NOM1: variants seen among roughly 807,000 people sequenced by gnomAD.
NOM1 encodes nucleolar protein with MIF4G domain 1.
Under a neutral mutation model 73.3 loss-of-function variants are expected in NOM1, and 58 were observed. The observed-to-expected ratio is 0.79, with a 90% confidence interval of 0.64 to 0.99. The LOEUF (loss-of-function observed/expected upper bound fraction) is 0.99. NOM1 is among the 50% of genes least tolerant of loss of function. NOM1 has a pLI of 0.00. For missense variants in NOM1, 1,226 were observed against 1,131.9 expected, an observed-to-expected ratio of 1.08 and a Z score of -1.19; for synonymous variants, 487 against 446.8, an observed-to-expected ratio of 1.09 and a Z score of -1.14.
chr7:156,954,051 A>C (rs924221284), intron 2 of NOM1, 52 bp from the exon 3 acceptor site: 5 of 1,517,596 alleles, frequency 3.3e-6, no homozygotes, highest in African/African-American at 1.4e-5. Flanking sequence ...AATTGAACTG[A>C]AAATTCCTAA....
At chr7:156,958,262 C>T (rs946794257) in intron 3 of NOM1, among the ~76,000 whole-genome samples, 2 of 152,190 alleles carry the variant, frequency 1.3e-5, no homozygotes, top group African/African-American at 4.8e-5. Flanking sequence ...TTGTCCAGCC[C>T]CACTAGCTTG....
rs550119543 is a variant in NOM1, at chr7:156,970,604, A to G, written c.*901A>G. ...TATTTTAGTAGAGATGGGTTTCACC[A>G]TGTTGGCAAGGCTGGTCTTGAACTC... On this transcript the variant is annotated 3_prime_UTR_variant, in exon 11 of 11. Coordinates refer to ENST00000275820, the MANE Select transcript of NOM1 (RefSeq NM_138400.2). 1 of 152,232 alleles carries G rather than the reference A, an allele frequency of 6.6e-6. No individual in the cohort carries two copies. Among genetic ancestry groups the G allele is most frequent in the East Asian group, 1.9e-4 (1 of 5,170 alleles). 9.4% of individuals were successfully genotyped at this position (152,232 alleles called of 1,614,324 possible). A position where few individuals can be genotyped will look rare whatever the true frequency, so the allele number is the denominator to read the frequency against.
In NOM1 at chr7:156,956,628, T is replaced by C. The variant is rs113777258; in HGVS notation, c.1308+2330T>C. ...AAAGGCCTGTGGGGCATTAGGAAGC[T>C]GAGGGCTGGAGAGAGGGGCACAGGC... On this transcript the variant is annotated intron_variant, in intron 3 of 10. Coordinates refer to ENST00000275820, the MANE Select transcript of NOM1 (RefSeq NM_138400.2). Among the ~76,000 whole-genome samples, 218 of 152,356 alleles carry C rather than the reference T, an allele frequency of 1.4e-3. 3 individuals carry two copies. Among genetic ancestry groups the C allele is most frequent in the African/African-American group, 5.0e-3 (207 of 41,578 alleles).
At chr7:156,953,432 C>G (rs1470481999) in intron 2 of NOM1, among the ~76,000 whole-genome samples, 1 of 152,168 alleles carries the variant, frequency 6.6e-6, no homozygotes, top group Non-Finnish European at 1.5e-5. Context: ...CGGGGCAGTT[C>G]TGTAGTTTTA....
At position 156,950,441 on chromosome 7, in the gene NOM1, G is replaced by A; in HGVS notation, c.704G>A (p.Ser235Asn). ...AAAAATAGCGGCTTGTACGACAGCA[G>A]TGGTGAGGAGGAGGAAGATGCCGGA... ...SGKNSGLYDS[S>N]GEEEEDAGQT... Residue 235 changes from serine (S) to asparagine (N), a missense_variant, in exon 1 of 11, where the codon AGT becomes AAT. Transcript: ENST00000275820. 6.2e-7 allele frequency: 1 copy of A among 1,614,194 alleles called. No individual in the cohort carries two copies. The highest frequency in any genetic ancestry group is 8.5e-7 in the Non-Finnish European group (1 of 1,180,030).
chr7:156,969,641 C>G lies in NOM1; in HGVS notation c.2521C>G (p.Leu841Val), dbSNP rs141627814. 1.9e-6 allele frequency: 3 copies of G among 1,613,584 alleles called. No homozygotes were observed. In the African/African-American group the frequency reaches 4.0e-5, roughly 22 times the overall value. ...AHRSADEANV[L>V]REKADLATKC... Reference sequence around the variant, plus strand: ...CAGAAGCGCCGACGAAGCCAACGTGCTGAGAGAGAAAGCTGACCTTGCAAC... The same window carrying G: ...CAGAAGCGCCGACGAAGCCAACGTGGTGAGAGAGAAAGCTGACCTTGCAAC... The change falls in exon 11 of 11, where the codon CTG (leucine) becomes GTG (valine). Residue 841 changes from leucine (L) to valine (V), a missense_variant. Physicochemically the swap from Leu to Val is conservative, Grantham distance 32. Coordinates refer to ENST00000275820, the MANE Select transcript of NOM1 (RefSeq NM_138400.2).
chr7:156,954,021 A>G (rs1804657242), intron 2 of NOM1, 82 bp from the exon 3 acceptor site: 1 of 1,186,034 alleles, frequency 8.4e-7, no homozygotes, highest in Non-Finnish European at 1.2e-6. Flanking sequence ...GTTGGTATGG[A>G]TAACTCTTTA....
intron 3 of NOM1, chr7:156,958,477 T>C (rs972978999): frequency 6.6e-6 from 1 of 152,278 alleles, no homozygotes; most frequent in Non-Finnish European, 1.5e-5. Context: ...ATGTCCCTGC[T>C]TCCGCCTTCT....
intron 4 of NOM1, 94 bp from the exon 5 acceptor site, chr7:156,962,057 T>C: frequency 3.1e-6 from 3 of 963,752 alleles, no homozygotes; most frequent in East Asian, 2.4e-5. Flanking sequence ...GTGGCGGCCA[T>C]GTGCATCAGG....
chr7:156,964,813 G>A (rs1472817434), intron 7 of NOM1, among the ~76,000 whole-genome samples: 3 of 152,026 alleles, frequency 2.0e-5, no homozygotes, highest in Admixed American at 6.6e-5. Context: ...CCGTTTTGCC[G>A]AAAACCTCCC....
At chr7:156,966,928 T>TCCCC (rs1195726712) in intron 8 of NOM1, 33 bp from the exon 9 acceptor site, 1 of 1,585,978 alleles carries the variant, frequency 6.3e-7, no homozygotes, top group Non-Finnish European at 8.6e-7. Context: ...TTGTGGCCGT[T>TCCCC]TGCCTTTTTT....
At chr7:156,952,147 A>G (rs570462433) in intron 1 of NOM1, among the ~76,000 whole-genome samples, 1 of 152,248 alleles carries the variant, frequency 6.6e-6, no homozygotes, top group Non-Finnish European at 1.5e-5. Flanking sequence ...GTTAAGGCCG[A>G]GCAAAAGCGC....
In NOM1 at chr7:156,970,681, G is replaced by A. The variant is rs1191208446; in HGVS notation, c.*978G>A. 6.6e-6 allele frequency: 1 copy of A among 152,238 alleles called. No individual in the cohort carries two copies. Among genetic ancestry groups the A allele is most frequent in the African/African-American group, 2.4e-5 (1 of 41,458 alleles). 9.4% of individuals were successfully genotyped at this position (152,238 alleles called of 1,614,324 possible). On this transcript the variant is annotated 3_prime_UTR_variant, in exon 11 of 11. Transcript: ENST00000275820. ...GGCCTCCCAAAGTGCTGGGATTACA[G>A]GCTTGAGCCACCACGCCCAGCTTAA... is the stretch of plus-strand genomic sequence containing the variant.
rs1015202500 is a variant in NOM1 at position 156,972,245 on chromosome 7, A to G, written c.*2542A>G. On this transcript the variant is annotated 3_prime_UTR_variant, in exon 11 of 11. Transcript: ENST00000275820. ...GAATGGCCCACATTTGAGTGGTGCTAACTTGATGTGAGTAGGCATTAATTA... is the reference window on the plus strand; with the variant it reads ...GAATGGCCCACATTTGAGTGGTGCTGACTTGATGTGAGTAGGCATTAATTA... The G allele has an allele frequency of 6.6e-6, 1 of 152,248 alleles. No homozygotes were observed. The highest frequency in any genetic ancestry group is 2.4e-5 in the African/African-American group (1 of 41,458). The allele number at this position is 152,248 out of a possible 1,614,324, so 9.4% of individuals were successfully genotyped here. A position where few individuals can be genotyped will look rare whatever the true frequency, so the allele number is the denominator to read the frequency against.
In NOM1 at chr7:156,958,010, C is replaced by T. The variant is rs1184011119; in HGVS notation, c.1309-1841C>T. On this transcript the variant is annotated intron_variant, in intron 3 of 10. Coordinates refer to ENST00000275820, the MANE Select transcript of NOM1 (RefSeq NM_138400.2). ...GTCTTTACAAACTGAAGTGTATATC[C>T]AGTCCATCAGAGCTGGCCTCCAGGA... is the stretch of plus-strand genomic sequence containing the variant. Among the ~76,000 whole-genome samples, 23 of 152,296 alleles carry T rather than the reference C, an allele frequency of 1.5e-4. No individual in the cohort carries two copies. The East Asian group carries it at 3.5e-3, about 23-fold the overall frequency.
intron 9 of NOM1, among the ~76,000 whole-genome samples, chr7:156,967,927 C>T (rs1396749591): frequency 1.3e-5 from 2 of 151,500 alleles, no homozygotes; most frequent in Admixed American, 6.6e-5. Context: ...AAAACTGGAG[C>T]GCCTGGGGGG....
intron 4 of NOM1, among the ~76,000 whole-genome samples, chr7:156,960,410 A>G (rs899288535): frequency 6.6e-6 from 1 of 152,212 alleles, no homozygotes; most frequent in African/African-American, 2.4e-5. Flanking sequence ...AAAAATGCTT[A>G]CCGAGGAGGC....
At position 156,969,684 on chromosome 7, in the gene NOM1, A is replaced by G. The variant is rs1805095927; in HGVS notation, c.2564A>G (p.Lys855Arg). The G allele has an allele frequency of 4.3e-6, 7 of 1,611,010 alleles. No individual in the cohort carries two copies. Among genetic ancestry groups the G allele is most frequent in the Non-Finnish European group, 5.9e-6 (7 of 1,178,322 alleles). ...CTTGCAACGAAGTGTCTGCAAGGAA[A>G]AGCTTCCCTGAGAATGTAGTCAGGG... ...ADLATKCLQGKASLRM is the reference protein window; with the variant it reads ...ADLATKCLQGRASLRM Residue 855 changes from lysine (K) to arginine (R), a missense_variant, in exon 11 of 11, where the codon AAA (lysine) becomes AGA (arginine). Coordinates refer to ENST00000275820, the MANE Select transcript of NOM1 (RefSeq NM_138400.2).
chr7:156,967,244 G>A (rs887005196), intron 9 of NOM1, 152 bp downstream of exon 9: 27 of 888,942 alleles, frequency 3.0e-5, no homozygotes, highest in Non-Finnish European at 4.1e-5. Context: ...GACAGAAAAC[G>A]GCCAGACTAA....
Sources: allele counts gnomAD v4.1 joint callset (sites outside exome capture counted in the v4.1 genomes callset), GRCh38; gene constraint gnomAD v4.1.1; transcripts MANE v1.5; gene names NCBI Gene and HGNC (gene_info 2026-07-23, HGNC 2026-07-21).